Variants in LRRC4C observed in about 807,000 individuals in gnomAD.
The protein encoded by LRRC4C is leucine-rich repeat-containing protein 4C.
LRRC4C carries 5 observed loss-of-function variants against 33.6 expected under a neutral mutation model. That is an observed-to-expected ratio of 0.15 (90% confidence interval 0.08 to 0.31). The LOEUF (loss-of-function observed/expected upper bound fraction) is 0.31. Ranked by LOEUF, LRRC4C falls within the 10% of genes least tolerant of loss-of-function variation. LRRC4C has a pLI of 1.00. For missense variants in LRRC4C, 560 were observed against 796.7 expected (o/e 0.70, Z 3.58); for synonymous variants, 329 against 302.0 (o/e 1.09, Z -0.93).
At chr11:40,741,318 G>A (rs964791146) in intron 2 of LRRC4C, among the ~76,000 whole-genome samples, 1 of 151,898 alleles carries the variant, frequency 6.6e-6, no homozygotes, top group East Asian at 1.9e-4. Context: ...AATAGGTAGG[G>A]AACATATATG....
intron 1 of LRRC4C, among the ~76,000 whole-genome samples, chr11:41,263,246 T>C (rs1949041876): frequency 6.6e-6 from 1 of 152,122 alleles, no homozygotes. Context: ...ATTTTTTGAC[T>C]CAAAAATAAC....
chr11:40,360,299 G>A (rs1283643538), intron 3 of LRRC4C, among the ~76,000 whole-genome samples: 1 of 152,124 alleles, frequency 6.6e-6, no homozygotes, highest in Admixed American at 6.6e-5. Flanking sequence ...TTGAAAGGCA[G>A]AATATCAGAG....
intron 1 of LRRC4C, among the ~76,000 whole-genome samples, chr11:41,165,240 C>T (rs143232669): frequency 2.6e-5 from 4 of 152,106 alleles, no homozygotes; most frequent in African/African-American, 7.2e-5. Flanking sequence ...CTTTGTTGCC[C>T]CCAGGACCTG....
At chr11:40,462,443 T>C (rs1028776581) in intron 3 of LRRC4C, among the ~76,000 whole-genome samples, 1 of 152,186 alleles carries the variant, frequency 6.6e-6, no homozygotes, top group South Asian at 2.1e-4. Context: ...ATGTACAGTG[T>C]TAAAAATAAC....
At chr11:40,984,300 A>G (rs931010300) in intron 1 of LRRC4C, among the ~76,000 whole-genome samples, 7 of 150,416 alleles carry the variant, frequency 4.7e-5, no homozygotes, top group African/African-American at 1.7e-4. Context: ...AGAGAGAGAG[A>G]GAGAAGGAAA....
At chr11:40,704,556 T>C (rs1304806952) in intron 2 of LRRC4C, among the ~76,000 whole-genome samples, 2 of 152,086 alleles carry the variant, frequency 1.3e-5, no homozygotes, top group Non-Finnish European at 2.9e-5. Context: ...TTACAGAGTG[T>C]AGTGGTGAAG....
Position 40,723,799 on chromosome 11 carries a change from A to T in LRRC4C, c.-406-75521T>A, listed in dbSNP as rs1449869035. On this transcript the variant is annotated intron_variant, in intron 2 of 6. Coordinates refer to ENST00000528697, the MANE Select transcript of LRRC4C (RefSeq NM_001258419.2). Reference sequence around the variant, plus strand: ...TGCAAATAGTCTAAACACCCACTTAACAGACAAAGAACGGCAAATAGTATT... The same window carrying T: ...TGCAAATAGTCTAAACACCCACTTATCAGACAAAGAACGGCAAATAGTATT... Among the ~76,000 whole-genome samples, 11 of 152,218 alleles carry T rather than the reference A, an allele frequency of 7.2e-5. 2 individuals are homozygous for T. The highest frequency in any genetic ancestry group is 7.2e-4 in the Admixed American group (11 of 15,282).
intron 1 of LRRC4C, among the ~76,000 whole-genome samples, chr11:41,032,117 T>C (rs1448550283): frequency 6.6e-6 from 1 of 152,012 alleles, no homozygotes; most frequent in Non-Finnish European, 1.5e-5. Context: ...ATGGGAATTT[T>C]TGGGGAAAGC....
chr11:40,303,665 T>C (rs1350221102), intron 4 of LRRC4C, among the ~76,000 whole-genome samples: 1 of 152,204 alleles, frequency 6.6e-6, no homozygotes, highest in African/African-American at 2.4e-5. Context: ...AAAACATTTT[T>C]TTTCTTTTAT....
intron 3 of LRRC4C, among the ~76,000 whole-genome samples, chr11:40,605,972 T>A (rs1292766898): frequency 6.6e-6 from 1 of 152,134 alleles, no homozygotes; most frequent in Non-Finnish European, 1.5e-5. Flanking sequence ...ATTCTCTAGA[T>A]GGCTGGGGGC....
At chr11:40,707,810 G>T (rs1946245675) in intron 2 of LRRC4C, among the ~76,000 whole-genome samples, 1 of 152,146 alleles carries the variant, frequency 6.6e-6, no homozygotes, top group African/African-American at 2.4e-5. Flanking sequence ...TGTACCTCTG[G>T]TATAATTCGG....
At chr11:41,325,255 G>A (rs548742474) in intron 1 of LRRC4C, among the ~76,000 whole-genome samples, 1 of 152,230 alleles carries the variant, frequency 6.6e-6, no homozygotes, top group Admixed American at 6.5e-5. Flanking sequence ...GCTTGTGAAT[G>A]ATTCTTGACA....
intron 1 of LRRC4C, among the ~76,000 whole-genome samples, chr11:40,949,605 C>T (rs1958594752): frequency 2.0e-5 from 3 of 152,000 alleles, no homozygotes; most frequent in Non-Finnish European, 4.4e-5. Context: ...AATTTCATAT[C>T]CAGCCAAACT....
chr11:40,300,042 G>C (rs1944694484), intron 4 of LRRC4C, among the ~76,000 whole-genome samples: 1 of 152,122 alleles, frequency 6.6e-6, no homozygotes, highest in South Asian at 2.1e-4. Context: ...TTCTGGGGAG[G>C]CCTCAGGGAG....
intron 3 of LRRC4C, among the ~76,000 whole-genome samples, chr11:40,560,630 G>T (rs1437444491): frequency 6.6e-6 from 1 of 152,174 alleles, no homozygotes; most frequent in Non-Finnish European, 1.5e-5. Context: ...TTGAGAAAAG[G>T]AAAGGCAATT....
chr11:40,114,409 T>C lies in LRRC4C; in HGVS notation c.1884A>G (p.Arg628=), dbSNP rs771329167. 5 of 1,614,088 alleles carry C rather than the reference T, an allele frequency of 3.1e-6. No homozygotes were observed. The highest frequency in any genetic ancestry group is 4.2e-6 in the Non-Finnish European group (5 of 1,179,972). ...HSSVHEPLLI[R]MNSKDNVQET... ...CTTGTACATTGTCTTTAGAGTTCAT[T>C]CGGATCAATAACGGTTCATGCACTG... Residue 628 remains arginine (R), a synonymous_variant, in exon 7 of 7, where the codon CGA becomes CGG. Coordinates refer to ENST00000528697, the MANE Select transcript of LRRC4C (RefSeq NM_001258419.2).
chr11:40,608,204 TAAA>T (rs1960832377), intron 3 of LRRC4C, among the ~76,000 whole-genome samples: 2 of 152,268 alleles, frequency 1.3e-5, no homozygotes, highest in African/African-American at 4.8e-5. Context: ...AATACGTTAA[TAAA>T]TAACTATATT....
intron 1 of LRRC4C, among the ~76,000 whole-genome samples, chr11:41,144,933 A>G (rs1042370633): frequency 6.6e-6 from 1 of 152,198 alleles, no homozygotes; most frequent in Admixed American, 6.5e-5. Flanking sequence ...CTAGATGCAG[A>G]TTGCCTAGTT....
At position 40,125,214 on chromosome 11, in the gene LRRC4C, T is replaced by C. The variant is rs144913933; in HGVS notation, c.-42-8880A>G. Among the ~76,000 whole-genome samples, 355 of 152,254 alleles carry C rather than the reference T, an allele frequency of 2.3e-3. 4 individuals carry two copies. Among genetic ancestry groups the C allele is most frequent in the African/African-American group, 8.2e-3 (339 of 41,566 alleles). Reference sequence around the variant, plus strand: ...TCAGCTGAGGGATTTCAGGAATTTTTTTCTCCCACTAATAAGAAGAAAAAC... The same window carrying C: ...TCAGCTGAGGGATTTCAGGAATTTTCTTCTCCCACTAATAAGAAGAAAAAC... On this transcript the variant is annotated intron_variant, in intron 6 of 6. Transcript: ENST00000528697.
Sources: allele counts gnomAD v4.1 joint callset (sites outside exome capture counted in the v4.1 genomes callset), GRCh38; gene constraint gnomAD v4.1.1; transcripts MANE v1.5; gene names NCBI Gene and HGNC (gene_info 2026-07-23, HGNC 2026-07-21).